TRAK2: variants seen among roughly 807,000 people sequenced by gnomAD.
TRAK2 encodes the protein trafficking kinesin protein 2.
A neutral mutation model predicts 104.6 loss-of-function variants in TRAK2; 81 were observed. The observed-to-expected ratio is 0.77, with a 90% CI of 0.65 to 0.93. The LOEUF (loss-of-function observed/expected upper bound fraction) is 0.93, where lower values mean the gene tolerates loss of function less well. Ranked by LOEUF, TRAK2 falls within the 40% of genes least tolerant of loss-of-function variation. The pLI, the probability that TRAK2 is intolerant of heterozygous loss-of-function variation, is 0.00. For missense variants in TRAK2, 1,002 were observed against 1,089.0 expected (o/e 0.92, Z 1.12); for synonymous variants, 406 against 394.4 (o/e 1.03, Z -0.35).
intron 2 of TRAK2, among the ~76,000 whole-genome samples, chr2:201,408,064 G>C (rs1559445524): frequency 1.3e-5 from 2 of 151,994 alleles, no homozygotes; most frequent in African/African-American, 4.8e-5. Context: ...CCACCCTATG[G>C]TGCTTAAGAA....
In TRAK2 at chr2:201,407,499, A is replaced by T; in HGVS notation, c.190T>A (p.Tyr64Asn). 3 of 1,614,146 alleles carry T rather than the reference A, an allele frequency of 1.9e-6. No individual in the cohort carries two copies. The highest frequency in any genetic ancestry group is 2.5e-6 in the Non-Finnish European group (3 of 1,179,986). The part of the protein sequence containing the change: ...YRLKVDTLFL[Y>N]ENQDWTQSPH... ...GACTGAGTCCAGTCTTGATTTTCAT[A>T]TAGAAAGAGAGTGTCTACTTTTAGC... The change falls in exon 3 of 16, where the codon TAT becomes AAT. Residue 64 changes from tyrosine to asparagine, a missense_variant. Physicochemically the swap from Tyr to Asn is moderately radical, Grantham distance 143 (BLOSUM62 -2). Coordinates refer to ENST00000332624, the MANE Select transcript of TRAK2 (RefSeq NM_015049.3).
chr2:201,383,987 G>T, intron 15 of TRAK2, 124 bp downstream of exon 15: 1 of 681,098 alleles, frequency 1.5e-6, no homozygotes, highest in South Asian at 1.9e-5. Context: ...ATATTCTAAA[G>T]ACACATTATC....
chr2:201,433,866 C>T (rs1951861946), intron 1 of TRAK2, among the ~76,000 whole-genome samples: 1 of 152,236 alleles, frequency 6.6e-6, no homozygotes, highest in African/African-American at 2.4e-5. Flanking sequence ...TCTGCCAAAA[C>T]CATTTCAGTC....
intron 2 of TRAK2, chr2:201,412,943 C>CA: frequency 2.6e-6 from 2 of 774,290 alleles, no homozygotes; most frequent in Middle Eastern, 2.3e-4. Context: ...GCTAAACTGG[C>CA]AAAAAACTGG....
intron 13 of TRAK2, among the ~76,000 whole-genome samples, chr2:201,387,105 G>A (rs994084880): frequency 1.3e-5 from 2 of 152,228 alleles, no homozygotes; most frequent in East Asian, 3.9e-4. Flanking sequence ...TTGAGTTTGA[G>A]GGGTCTTTAT....
chr2:201,427,027 A>G (rs1316360387), intron 1 of TRAK2, among the ~76,000 whole-genome samples: 1 of 152,154 alleles, frequency 6.6e-6, no homozygotes, highest in Non-Finnish European at 1.5e-5. Flanking sequence ...GATATTAATA[A>G]CCACCCTTTA....
intron 4 of TRAK2, among the ~76,000 whole-genome samples, chr2:201,400,620 C>A (rs2125646849): frequency 6.6e-6 from 1 of 152,024 alleles, no homozygotes; most frequent in South Asian, 2.1e-4. Flanking sequence ...CAAATCACAG[C>A]CCAAACTAAA....
chr2:201,415,064 CCTT>C (rs1276717685), intron 2 of TRAK2, among the ~76,000 whole-genome samples: 1 of 148,930 alleles, frequency 6.7e-6, no homozygotes, highest in Admixed American at 6.8e-5. Context: ...CTTGACAACT[CCTT>C]CTCTACCATT....
intron 2 of TRAK2, chr2:201,413,251 T>C (rs1951663551): frequency 1.5e-6 from 2 of 1,345,352 alleles, no homozygotes; most frequent in South Asian, 1.2e-5. Flanking sequence ...ACAGCACTAG[T>C]GACATCAGCT....
At chr2:201,394,987 A>C in intron 8 of TRAK2, 115 bp from the exon 9 acceptor site, 1 of 932,500 alleles carries the variant, frequency 1.1e-6, no homozygotes, top group Non-Finnish European at 1.6e-6. Context: ...AAAGCCTACA[A>C]AAAGCTAACC....
rs1185231261 is a variant in TRAK2, at chr2:201,411,492, T to C, written c.92-3895A>G. The C allele has an allele frequency of 1.9e-5, 14 of 744,530 alleles. No individual in the cohort carries two copies. In the African/African-American group the frequency reaches 2.4e-4, roughly 13 times the overall value. The allele number at this position is 744,530 out of a possible 1,614,324, so 46.1% of individuals were successfully genotyped here. A position where few individuals can be genotyped will look rare whatever the true frequency, so the allele number is the denominator to read the frequency against. On this transcript the variant is annotated intron_variant, in intron 2 of 15. Transcript: ENST00000332624. Reference sequence around the variant, plus strand: ...AGATTTCTGTTGTTCTTGCATTATATGAAGTTGCTCCAGCTTAGTCTTATG... The same window carrying C: ...AGATTTCTGTTGTTCTTGCATTATACGAAGTTGCTCCAGCTTAGTCTTATG...
At chr2:201,424,987 T>G (rs1207986998) in intron 1 of TRAK2, among the ~76,000 whole-genome samples, 1 of 152,216 alleles carries the variant, frequency 6.6e-6, no homozygotes, top group East Asian at 1.9e-4. Context: ...AATAATATTA[T>G]GTAACATGTG....
chr2:201,387,718 C>A lies in TRAK2; in HGVS notation c.1681G>T (p.Val561Phe). The change falls in exon 13 of 16, where the codon GTC becomes TTC. Residue 561 changes from valine to phenylalanine, a missense_variant. By Grantham distance (50) the Val-to-Phe change is conservative. Transcript: ENST00000332624. ...RGFMPEKLQI[V>F]KPLEGSQTLY... Reference sequence around the variant, plus strand: ...GATTTATTACCTTCAAGGGGCTTGACAATTTGTAATTTTTCTGGCATAAAA... The same window carrying A: ...GATTTATTACCTTCAAGGGGCTTGAAAATTTGTAATTTTTCTGGCATAAAA... 6.2e-7 allele frequency: 1 copy of A among 1,605,378 alleles called. No individual in the cohort carries two copies. The highest frequency in any genetic ancestry group is 8.5e-7 in the Non-Finnish European group (1 of 1,174,696).
rs1951303417 is a variant in TRAK2 at position 201,377,926 on chromosome 2, C to A, written c.*2617G>T. Reference sequence around the variant, plus strand: ...TTTCCTATACTGGCATGAAAGTACACATACAATTTTTATCGTAGAAAAGAC... The same window carrying A: ...TTTCCTATACTGGCATGAAAGTACAAATACAATTTTTATCGTAGAAAAGAC... On this transcript the variant is annotated 3_prime_UTR_variant, in exon 16 of 16. Transcript: ENST00000332624. 1 of 151,680 alleles carries A rather than the reference C, an allele frequency of 6.6e-6. No individual in the cohort carries two copies. Among genetic ancestry groups the A allele is most frequent in the Non-Finnish European group, 1.5e-5 (1 of 67,852 alleles). 9.4% of individuals were successfully genotyped at this position (151,680 alleles called of 1,614,324 possible).
chr2:201,396,866 T>C (rs1951507617), intron 7 of TRAK2, among the ~76,000 whole-genome samples: 1 of 152,188 alleles, frequency 6.6e-6, no homozygotes, highest in Non-Finnish European at 1.5e-5. Flanking sequence ...GATTTGAAAC[T>C]CATGAATTGT....
At chr2:201,392,611 G>A (rs1576509195) in intron 10 of TRAK2, among the ~76,000 whole-genome samples, 1 of 152,240 alleles carries the variant, frequency 6.6e-6, no homozygotes, top group East Asian at 1.9e-4. Context: ...TGGGCCTAGG[G>A]TAGGATGACC....
intron 1 of TRAK2, among the ~76,000 whole-genome samples, chr2:201,430,379 T>C (rs1951831769): frequency 1.3e-5 from 2 of 152,274 alleles, no homozygotes; most frequent in Non-Finnish European, 2.9e-5. Context: ...CGTTTAAGTC[T>C]GCAGAAGTTT....
At chr2:201,421,964 G>A (rs1160449457) in intron 1 of TRAK2, among the ~76,000 whole-genome samples, 4 of 150,650 alleles carry the variant, frequency 2.7e-5, no homozygotes, top group South Asian at 2.1e-4. Flanking sequence ...CAGGAGAATC[G>A]CTTGAGCCTG....
At chr2:201,446,982 T>A (rs1951969741) in intron 1 of TRAK2, among the ~76,000 whole-genome samples, 2 of 152,372 alleles carry the variant, frequency 1.3e-5, no homozygotes, top group East Asian at 3.9e-4. Context: ...GTGCCCTTTA[T>A]AATGTTATAT....
Sources: gnomAD v4.1 joint callset for allele counts (sites outside exome capture counted in the v4.1 genomes callset) on GRCh38, gnomAD v4.1.1 for gene constraint, MANE v1.5 for transcripts, NCBI Gene and HGNC (gene_info 2026-07-23, HGNC 2026-07-21) for gene names.